The following DLG4 variants were observed in gnomAD, a reference collection of about 807,000 sequenced individuals.
DLG4 encodes disks large homolog 4.
In DLG4, 7 loss-of-function variants were observed where a neutral mutation model predicts 93.8. That is an observed-to-expected ratio of 0.07 (90% CI 0.04 to 0.14). The LOEUF (loss-of-function observed/expected upper bound fraction) is 0.14, where lower values mean the gene tolerates loss of function less well. Among genes scored for constraint, DLG4 ranks in the 10% least tolerant of loss-of-function variants. DLG4 has a pLI of 1.00. For synonymous variants in DLG4, 341 were observed against 387.6 expected (o/e 0.88, Z 1.41); for missense variants, 545 against 992.9 (o/e 0.55, Z 6.06).
rs2070324265 is a variant in DLG4, at chr17:7,204,119, A to G, written c.151-52T>C. 3 of 1,598,646 alleles carry G rather than the reference A, an allele frequency of 1.9e-6. No individual in the cohort carries two copies. The Admixed American group carries it at 5.3e-5, about 28-fold the overall frequency. The stretch of plus-strand genomic sequence containing the variant: ...GTGAGACAGACATTCCTGTCTGACC[A>G]CCTGCCCGTCATCTGCTGCCCTCCC... On this transcript the variant is annotated intron_variant, in intron 3 of 19. Coordinates refer to ENST00000399506, the MANE Select transcript of DLG4 (RefSeq NM_001321075.3).
intron 2 of DLG4, chr17:7,205,091 G>A: frequency 2.0e-6 from 2 of 985,598 alleles, no homozygotes; most frequent in Non-Finnish European, 2.4e-6. Flanking sequence ...AGGAGGCCGG[G>A]CTGAAGAGGT....
chr17:7,218,204 C>G (rs1257779990), upstream of DLG4: 1 of 1,585,596 alleles, frequency 6.3e-7, no homozygotes, highest in Non-Finnish European at 8.6e-7. Flanking sequence ...CCCTGCCTGC[C>G]CCTCAGGAAG....
chr17:7,219,549 C>T (rs531336193), upstream of DLG4: 1 of 1,102,870 alleles, frequency 9.1e-7, no homozygotes, highest in Non-Finnish European at 1.1e-6. Flanking sequence ...CATCAGGAAC[C>T]CTAGAGTCTG....
Position 7,189,446 on chromosome 17 carries a change from G to A in DLG4, c.*1262C>T, listed in dbSNP as rs1405377116. Among the ~76,000 whole-genome samples the A allele has an allele frequency of 6.7e-6, 1 of 149,568 alleles. No homozygotes were observed. ...AGAGATCACAGTGAGCCGAGATCGA[G>A]CCACTGCACTCCAGCCTGTGCGACA... On this transcript the variant is annotated 3_prime_UTR_variant, in exon 20 of 20. Coordinates refer to ENST00000399506, the MANE Select transcript of DLG4 (RefSeq NM_001321075.3).
rs2142842287 is a variant in DLG4 at position 7,196,251 on chromosome 17, G to A, written c.1270C>T (p.Arg424Trp). ...SSLGSGTASL[R>W]SNPKRGFYIR... is the part of the protein sequence containing the mutation. ...TAGAAACCCCTTTTGGGGTTGCTCC[G>A]CAGGGACGCAGTCCCTGAGCCCAGG... is the stretch of plus-strand genomic sequence containing the variant. Residue 424 changes from arginine (R) to tryptophan (W), a missense_variant, in exon 11 of 20, where the codon CGG becomes TGG. Around this residue, in one of 5 missense-constraint regions of DLG4, gnomAD observed 428 missense variants for 741.4 expected, o/e 0.58. Coordinates refer to ENST00000399506, the MANE Select transcript of DLG4 (RefSeq NM_001321075.3). This position sits in a 1 kb window ranked among gnomAD's most constrained non-coding sequence, Gnocchi z 8.3. 3 of 1,613,824 alleles carry A rather than the reference G, an allele frequency of 1.9e-6. No individual in the cohort carries two copies. The highest frequency in any genetic ancestry group is 2.2e-5 in the South Asian group (2 of 91,080).
chr17:7,219,964 G>C (rs1042431830), upstream of DLG4: 3 of 1,572,124 alleles, frequency 1.9e-6, no homozygotes, highest in African/African-American at 4.1e-5. Context: ...TCGAGCCAGC[G>C]GCGCCCGGAG....
chr17:7,196,186 G>A lies in DLG4; in HGVS notation c.1301+34C>T. ...GGCACAGAGTGCCCAGGAACGCAGA[G>A]GGGCTGAGGAGTCCAGCCCGGGAAG... On this transcript the variant is annotated intron_variant, in intron 11 of 19. Coordinates refer to ENST00000399506, the MANE Select transcript of DLG4 (RefSeq NM_001321075.3). This position sits in a 1 kb window ranked among gnomAD's most constrained non-coding sequence, Gnocchi z 8.3. 1 of 1,527,732 alleles carries A rather than the reference G, an allele frequency of 6.5e-7. No homozygotes were observed. The highest frequency in any genetic ancestry group is 9.0e-7 in the Non-Finnish European group (1 of 1,108,082). 94.6% of individuals were successfully genotyped at this position (1,527,732 alleles called of 1,614,324 possible).
At chr17:7,197,121 A>T in intron 8 of DLG4, 69 bp from the exon 9 acceptor site, 1 of 1,471,076 alleles carries the variant, frequency 6.8e-7, no homozygotes, top group Non-Finnish European at 9.1e-7. Context: ...CCTTCTCCCC[A>T]GGGTGCCAGA....
At chr17:7,202,356 A>G (rs1381683630) in intron 8 of DLG4, among the ~76,000 whole-genome samples, 1 of 152,112 alleles carries the variant, frequency 6.6e-6, no homozygotes, top group Admixed American at 6.6e-5. Context: ...GAGCCACCAC[A>G]CTTAGCCTCC....
In DLG4 at chr17:7,203,724, A is replaced by C; in HGVS notation, c.303T>G (p.Pro101=). 1 of 1,613,574 alleles carries C rather than the reference A, an allele frequency of 6.2e-7. No homozygotes were observed. The highest frequency in any genetic ancestry group is 8.5e-7 in the Non-Finnish European group (1 of 1,179,800). Residue 101 remains proline (P), a synonymous_variant, in exon 5 of 20, where the codon CCT becomes CCG. Coordinates refer to ENST00000399506, the MANE Select transcript of DLG4 (RefSeq NM_001321075.3). This position sits in a 1 kb window ranked among gnomAD's most constrained non-coding sequence, Gnocchi z 7.2. ...GGCCATCCTGGGCCGCAGCCCCACCAGGAATGATCTTGGTGATGAAAATGG... is the reference window on the plus strand; with the variant it reads ...GGCCATCCTGGGCCGCAGCCCCACCCGGAATGATCTTGGTGATGAAAATGG... ...DPSIFITKII[P]GGAAAQDGRL...
In DLG4 at chr17:7,193,439, C is replaced by A. The variant is rs2069605842; in HGVS notation, c.1693+44G>T. 4 of 1,494,544 alleles carry A rather than the reference C, an allele frequency of 2.7e-6. No individual in the cohort carries two copies. The highest frequency in any genetic ancestry group is 2.3e-5 in the East Asian group (1 of 43,208). 92.6% of individuals were successfully genotyped at this position (1,494,544 alleles called of 1,614,324 possible). Reference sequence around the variant, plus strand: ...CCAGGGATGGGCCTCCCCTGCCCCACCCCCACTTCCACCTTCTCCTCCATC... The same window carrying A: ...CCAGGGATGGGCCTCCCCTGCCCCAACCCCACTTCCACCTTCTCCTCCATC... On this transcript the variant is annotated intron_variant, in intron 16 of 19. Transcript: ENST00000399506. The surrounding 1 kb of genome is among the most constrained non-coding windows in gnomAD (Gnocchi z 6.7).
At chr17:7,219,586 C>CT, upstream of DLG4, 1 of 1,136,502 alleles carries the variant, frequency 8.8e-7, no homozygotes. Flanking sequence ...CCTCTGCCAT[C>CT]TACCTTACAC....
chr17:7,219,455 A>G, upstream of DLG4: 3 of 1,028,282 alleles, frequency 2.9e-6, no homozygotes, highest in Non-Finnish European at 3.5e-6. Context: ...TACATCTCAG[A>G]AGAATACACT....
rs542699194 is a variant in DLG4 at position 7,189,111 on chromosome 17, C to CA, written c.*1596dup. Among the ~76,000 whole-genome samples the CA allele has an allele frequency of 0.063, 3,974 of 62,816 alleles. 257 individuals carry two copies. Among genetic ancestry groups the CA allele is most frequent in the African/African-American group, 0.21 (3,348 of 15,746 alleles). The allele number at this position is 62,816 out of a possible 152,430, so 41.2% of individuals were successfully genotyped here. A position where few individuals can be genotyped will look rare whatever the true frequency, so the allele number is the denominator to read the frequency against. ...TGAGCGAAAGAGCGAAACTCTGTCT[C>CA]AAAAAAAAAAAAAAAAGGGTGGGGG... On this transcript the variant is annotated 3_prime_UTR_variant, in exon 20 of 20. Coordinates refer to ENST00000399506, the MANE Select transcript of DLG4 (RefSeq NM_001321075.3).
intron 1 of DLG4, among the ~76,000 whole-genome samples, chr17:7,210,566 C>T (rs918647269): frequency 5.9e-5 from 9 of 152,192 alleles, no homozygotes; most frequent in Non-Finnish European, 1.0e-4. Flanking sequence ...GTTCATTCCA[C>T]ATCCTGAGAA....
At chr17:7,218,098 C>T (rs1399500213), upstream of DLG4, 21 of 750,070 alleles carry the variant, frequency 2.8e-5, no homozygotes, top group South Asian at 2.8e-4. Flanking sequence ...AGTGCATTCT[C>T]GGTGCCCCAA....
chr17:7,208,077 TG>T lies in DLG4; in HGVS notation c.96+96del. The T allele has an allele frequency of 7.6e-7, 1 of 1,312,466 alleles. No homozygotes were observed. Among genetic ancestry groups the T allele is most frequent in the South Asian group, 3.0e-5 (1 of 33,464 alleles). 81.3% of individuals were successfully genotyped at this position (1,312,466 alleles called of 1,614,324 possible). ...AGGGGGCCACCAGGGTCTCCTACCT[TG>T]AAGGGGGAGAGGTGGGCGTGGCCCA... is the stretch of plus-strand genomic sequence containing the variant. On this transcript the variant is annotated intron_variant, in intron 2 of 19. Coordinates refer to ENST00000399506, the MANE Select transcript of DLG4 (RefSeq NM_001321075.3). The surrounding 1 kb of genome is among the most constrained non-coding windows in gnomAD (Gnocchi z 5.4).
chr17:7,214,553 C>T (rs560327569), intron 1 of DLG4, among the ~76,000 whole-genome samples: 1 of 152,310 alleles, frequency 6.6e-6, no homozygotes, highest in South Asian at 2.1e-4. Context: ...TCGGCTTTGC[C>T]CAATAAGGAC....
chr17:7,203,159 C>A lies in DLG4; in HGVS notation c.642+34G>T, dbSNP rs2070244639. 6.4e-7 allele frequency: 1 copy of A among 1,572,570 alleles called. No homozygotes were observed. Among genetic ancestry groups the A allele is most frequent in the Admixed American group, 1.7e-5 (1 of 58,438 alleles). ...CAGGGCTAGTAGGTGAGACCCAAATCTGGGCTAGAAAATGGGCTAGATGGA... is the reference window on the plus strand; with the variant it reads ...CAGGGCTAGTAGGTGAGACCCAAATATGGGCTAGAAAATGGGCTAGATGGA... On this transcript the variant is annotated intron_variant, in intron 7 of 19. Coordinates refer to ENST00000399506, the MANE Select transcript of DLG4 (RefSeq NM_001321075.3). This position sits in a 1 kb window ranked among gnomAD's most constrained non-coding sequence, Gnocchi z 7.2.
Sources: allele counts gnomAD v4.1 joint callset (sites outside exome capture counted in the v4.1 genomes callset), GRCh38; gene constraint gnomAD v4.1.1; regional missense constraint gnomAD v4.1.1; non-coding constraint Gnocchi (gnomAD v3.1); transcripts MANE v1.5; gene names NCBI Gene and HGNC (gene_info 2026-07-23, HGNC 2026-07-21).